MICAL2: variants seen among roughly 807,000 people sequenced by gnomAD.
MICAL2 encodes the protein [F-actin]-monooxygenase MICAL2.
In MICAL2, 77 loss-of-function variants were observed where a neutral mutation model predicts 127.3. That is an observed-to-expected ratio of 0.60 (90% CI 0.50 to 0.73). The LOEUF is 0.73. Ranked by LOEUF, MICAL2 falls within the 30% of genes least tolerant of loss-of-function variation. The pLI is 0.00. For synonymous variants in MICAL2, 570 were observed against 551.1 expected (o/e 1.03, Z -0.48); for missense variants, 1,351 against 1,434.4 (o/e 0.94, Z 0.94).
chr11:12,252,162 G>A (rs531585648), intron 22 of MICAL2, among the ~76,000 whole-genome samples: 2 of 152,320 alleles, frequency 1.3e-5, no homozygotes, highest in South Asian at 2.1e-4. Context: ...GGGCCAAGCT[G>A]GGGGCCCCAG....
intron 2 of MICAL2, among the ~76,000 whole-genome samples, chr11:12,145,570 G>A (rs1852812377): frequency 6.6e-6 from 1 of 152,202 alleles, no homozygotes; most frequent in Non-Finnish European, 1.5e-5. Context: ...GGAACCTCAT[G>A]ATGGGGCTCT....
upstream of MICAL2, among the ~76,000 whole-genome samples, chr11:12,274,974 C>G (rs1009827564): frequency 2.0e-5 from 3 of 151,954 alleles, no homozygotes; most frequent in Middle Eastern, 3.4e-3. Flanking sequence ...ATGATCCAAG[C>G]AAAAGACAAT....
At chr11:12,287,651 A>G (rs955270016), downstream of MICAL2, among the ~76,000 whole-genome samples, 1 of 152,074 alleles carries the variant, frequency 6.6e-6, no homozygotes, top group African/African-American at 2.4e-5. Flanking sequence ...ACATACACAC[A>G]CATACACACC....
intron 26 of MICAL2, chr11:12,261,753 T>C (rs1863143552): frequency 1.0e-6 from 1 of 985,354 alleles, no homozygotes; most frequent in South Asian, 4.7e-5. Flanking sequence ...GGCATGGCCG[T>C]GGCCAACTCT....
downstream of MICAL2, among the ~76,000 whole-genome samples, chr11:12,266,735 G>A (rs1188352246): frequency 1.3e-5 from 2 of 152,202 alleles, no homozygotes; most frequent in East Asian, 3.9e-4. Flanking sequence ...GAGGAACCTC[G>A]GTGCATGCTG....
intron 16 of MICAL2, 60 bp downstream of exon 16, chr11:12,236,305 G>A (rs985310460): frequency 2.3e-5 from 35 of 1,498,358 alleles, no homozygotes; most frequent in Non-Finnish European, 2.9e-5. Flanking sequence ...AGTGGCCACA[G>A]GCAGCCTCAC....
intron 3 of MICAL2, among the ~76,000 whole-genome samples, chr11:12,202,459 A>G (rs1423493067): frequency 6.6e-6 from 1 of 152,166 alleles, no homozygotes; most frequent in African/African-American, 2.4e-5. Context: ...AGTTCCTTAG[A>G]TTTGTTGTGA....
intron 3 of MICAL2, among the ~76,000 whole-genome samples, chr11:12,167,868 G>C (rs1855705576): frequency 1.3e-5 from 2 of 152,142 alleles, no homozygotes; most frequent in South Asian, 4.1e-4. Context: ...ATGTGAGCTT[G>C]AGTAAATCCA....
At chr11:12,331,344 C>T (rs1422255467) in intron 32 of MICAL2, among the ~76,000 whole-genome samples, 2 of 152,182 alleles carry the variant, frequency 1.3e-5, no homozygotes, top group Non-Finnish European at 2.9e-5. Flanking sequence ...TATAGCTTTA[C>T]CAGCTTTGGG....
chr11:12,282,298 G>A (rs1326720372), intron 2 of MICAL2, among the ~76,000 whole-genome samples: 1 of 152,118 alleles, frequency 6.6e-6, no homozygotes, highest in East Asian at 1.9e-4. Context: ...ACTGAACTGA[G>A]TACTCTCCTG....
intron 3 of MICAL2, among the ~76,000 whole-genome samples, chr11:12,184,109 C>A (rs901292): frequency 0.38 from 57,432 of 152,072 alleles, 11,119 homozygotes; most frequent in Admixed American, 0.44. Flanking sequence ...CATGTTACTT[C>A]ACCTCTCTGT....
At chr11:12,334,319 A>G (rs1377353056) in intron 32 of MICAL2, among the ~76,000 whole-genome samples, 1 of 152,170 alleles carries the variant, frequency 6.6e-6, no homozygotes, top group African/African-American at 2.4e-5. Context: ...TACTGAATAC[A>G]GTGTAAATGT....
intron 34 of MICAL2, among the ~76,000 whole-genome samples, chr11:12,357,797 C>T (rs1939150783): frequency 6.6e-6 from 1 of 152,066 alleles, no homozygotes. Flanking sequence ...AAGATCATGC[C>T]ACTGCACTCC....
chr11:12,221,228 C>T (rs560017602), intron 9 of MICAL2, among the ~76,000 whole-genome samples: 4 of 152,178 alleles, frequency 2.6e-5, no homozygotes, highest in Admixed American at 6.5e-5. Flanking sequence ...CCAGAACAGA[C>T]GGCTGTTCTT....
chr11:12,290,712 A>G (rs1346540885), downstream of MICAL2, among the ~76,000 whole-genome samples: 1 of 152,154 alleles, frequency 6.6e-6, no homozygotes, highest in Non-Finnish European at 1.5e-5. Context: ...TTTCCCTCCA[A>G]AGCTTTCTGC....
At chr11:12,182,862 G>C (rs1857652066) in intron 3 of MICAL2, among the ~76,000 whole-genome samples, 1 of 152,126 alleles carries the variant, frequency 6.6e-6, no homozygotes, top group Non-Finnish European at 1.5e-5. Context: ...GCTCACTGGA[G>C]TGCTTGCAAG....
At chr11:12,274,141 C>T (rs1196402306), upstream of MICAL2, among the ~76,000 whole-genome samples, 1 of 152,060 alleles carries the variant, frequency 6.6e-6, no homozygotes, top group African/African-American at 2.4e-5. Flanking sequence ...AAGAATGACA[C>T]TGTGGAGAGG....
At position 12,258,485 on chromosome 11, in the gene MICAL2, C is replaced by A. The variant is rs1235256553; in HGVS notation, c.3160C>A (p.Pro1054Thr). ...TTTTACAGGCAAATTTTACTGCAAG[C>A]CTCACTTCATTCACTGTAAAACCAA... ...DCDEGKFYCK[P>T]HFIHCKTNSK... The change falls in exon 25 of 28, where the codon CCT becomes ACT. Residue 1054 changes from proline (P) to threonine (T), a missense_variant. By Grantham distance (38) the Pro-to-Thr change is conservative (BLOSUM62 -1). Coordinates refer to ENST00000683283, the MANE Select transcript of MICAL2 (RefSeq NM_001282663.2). The A allele has an allele frequency of 6.2e-7, 1 of 1,614,148 alleles. No homozygotes were observed. Among genetic ancestry groups the A allele is most frequent in the Non-Finnish European group, 8.5e-7 (1 of 1,180,006 alleles).
chr11:12,175,925 C>T (rs7122994), intron 3 of MICAL2, among the ~76,000 whole-genome samples: 100,885 of 151,782 alleles, frequency 0.66, 33,598 homozygotes, highest in Middle Eastern at 0.74. Context: ...GCCTTGGAAC[C>T]CTTGAAAGGA....
Sources: gnomAD v4.1 joint callset for allele counts (sites outside exome capture counted in the v4.1 genomes callset) on GRCh38, gnomAD v4.1.1 for gene constraint, MANE v1.5 for transcripts, NCBI Gene and HGNC (gene_info 2026-07-23, HGNC 2026-07-21) for gene names.